The following MITD1 variants were observed in gnomAD, a reference collection of about 807,000 sequenced individuals.
The protein encoded by MITD1 is MIT domain-containing protein 1.
MITD1 carries 24 observed loss-of-function variants against 34.9 expected under a neutral mutation model. That is an observed-to-expected ratio of 0.69 (90% CI 0.50 to 0.97). MITD1 has a LOEUF of 0.97. Among genes scored for constraint, MITD1 ranks in the 50% least tolerant of loss-of-function variants. MITD1 has a pLI of 0.00. For missense variants in MITD1, 266 were observed against 294.6 expected (o/e 0.90, Z 0.71); for synonymous variants, 102 against 101.4 (o/e 1.01, Z -0.04).
At position 99,169,304 on chromosome 2, in the gene MITD1, TA is replaced by T; in HGVS notation, c.*70del. On this transcript the variant is annotated 3_prime_UTR_variant, in exon 7 of 7. Coordinates refer to ENST00000289359, the MANE Select transcript of MITD1 (RefSeq NM_138798.3). ...AGTTTATTGTTAAATTCATACATTATAAAAGTGATCTTTTAAAAAAAATCCA... is the reference window on the plus strand; with the variant it reads ...AGTTTATTGTTAAATTCATACATTATAAAGTGATCTTTTAAAAAAAATCCA... The T allele has an allele frequency of 1.4e-6, 1 of 732,806 alleles. No individual in the cohort carries two copies. The highest frequency in any genetic ancestry group is 1.8e-5 in the African/African-American group (1 of 55,860). 45.4% of individuals were successfully genotyped at this position (732,806 alleles called of 1,614,324 possible).
chr2:99,162,117 C>T, exon 8 of MITD1: 1 of 1,614,016 alleles, frequency 6.2e-7, no homozygotes, highest in Non-Finnish European at 8.5e-7. Flanking sequence ...GATCCATGAC[C>T]ATATGAATCT....
At chr2:99,162,138 C>T in exon 8 of MITD1, 1 of 1,613,972 alleles carries the variant, frequency 6.2e-7, no homozygotes, top group South Asian at 1.1e-5. Context: ...AGAAGGCAAA[C>T]CAATTCTATT....
chr2:99,173,033 G>A (rs2093867253), intron 2 of MITD1: 1 of 154,564 alleles, frequency 6.5e-6, no homozygotes, highest in Non-Finnish European at 1.4e-5. Context: ...CCGTATAGAG[G>A]TTAATTTAAT....
At chr2:99,171,786 C>T (rs1473899556) in intron 2 of MITD1, 140 bp from the exon 3 acceptor site, 3 of 753,698 alleles carry the variant, frequency 4.0e-6, no homozygotes, top group South Asian at 1.9e-5. Context: ...TGAATGCCTA[C>T]TAAATATCAT....
At position 99,181,045 on chromosome 2, in the gene MITD1, G is replaced by A. The variant is rs1029548766; in HGVS notation, c.-64C>T. The A allele has an allele frequency of 1.2e-5, 19 of 1,554,588 alleles. No homozygotes were observed. In the Admixed American group the frequency reaches 3.2e-4, roughly 26 times the overall value. On this transcript the variant is annotated 5_prime_UTR_variant, in exon 1 of 7. Coordinates refer to ENST00000289359, the MANE Select transcript of MITD1 (RefSeq NM_138798.3). ...GTTGAGCGGGTCTGCTGCGCTTCCGGGAAGTGGTCATGTGATACCCAGGCG... is the reference window on the plus strand; with the variant it reads ...GTTGAGCGGGTCTGCTGCGCTTCCGAGAAGTGGTCATGTGATACCCAGGCG...
downstream of MITD1, among the ~76,000 whole-genome samples, chr2:99,168,138 A>G (rs1255031240): frequency 1.3e-5 from 2 of 151,568 alleles, no homozygotes; most frequent in South Asian, 2.1e-4. Context: ...GGGTTTTTTT[A>G]TTTGTTTCTT....
chr2:99,161,910 G>A (rs993588725), downstream of MITD1: 1 of 1,440,574 alleles, frequency 6.9e-7, no homozygotes, highest in Non-Finnish European at 9.4e-7. Flanking sequence ...AGAATTTAAT[G>A]TTCCTTTTCT....
rs546032350 is a variant in MITD1, at chr2:99,170,011, A to C, written c.594-401T>G. Among the ~76,000 whole-genome samples, 8 of 152,308 alleles carry C rather than the reference A, an allele frequency of 5.3e-5. No homozygotes were observed. In the East Asian group the frequency reaches 1.3e-3, roughly 26 times the overall value. On this transcript the variant is annotated intron_variant, in intron 5 of 6. Transcript: ENST00000289359. ...GCAGCTGCATTTTCATCTGTTTTGCATATTTAGTTTGTGATTAAGTTTTTA... is the reference window on the plus strand; with the variant it reads ...GCAGCTGCATTTTCATCTGTTTTGCCTATTTAGTTTGTGATTAAGTTTTTA...
chr2:99,166,543 A>T (rs984968374), downstream of MITD1, among the ~76,000 whole-genome samples: 4 of 151,310 alleles, frequency 2.6e-5, no homozygotes, highest in Non-Finnish European at 5.9e-5. Context: ...TTCATGAAGA[A>T]TGAAAAAATA....
In MITD1 at chr2:99,171,515, G is replaced by T; in HGVS notation, c.385C>A (p.His129Asn). ...ATTTTAGTATGTTCACATACCTGAT[G>T]AGTATGTCTAATATAAGGATCTTCT... ...WIEDPYIRHT[H>N]QLYNFLRFCE... The change falls in exon 3 of 7, where the codon CAT becomes AAT. Residue 129 changes from histidine to asparagine, a missense_variant. By Grantham distance (68) the His-to-Asn change is moderately conservative. Transcript: ENST00000289359. 6.2e-7 allele frequency: 1 copy of T among 1,603,576 alleles called. No homozygotes were observed. Among genetic ancestry groups the T allele is most frequent in the Non-Finnish European group, 8.5e-7 (1 of 1,170,740 alleles).
At chr2:99,162,532 T>G in intron 7 of MITD1, 1 of 1,614,204 alleles carries the variant, frequency 6.2e-7, no homozygotes, top group South Asian at 1.1e-5. Flanking sequence ...TTGTCTTCTT[T>G]GCTAAAGAGC....
chr2:99,163,705 T>C (rs1443913854), intron 7 of MITD1, among the ~76,000 whole-genome samples: 1 of 152,184 alleles, frequency 6.6e-6, no homozygotes, highest in East Asian at 1.9e-4. Flanking sequence ...CTATATATAA[T>C]ATTGGACACT....
intron 1 of MITD1, chr2:99,178,480 C>G (rs2093899033): frequency 2.0e-5 from 3 of 152,202 alleles, no homozygotes. Flanking sequence ...ACAAAATTCT[C>G]TTCTATTGTT....
At chr2:99,171,147 A>G (rs2093855131) in intron 4 of MITD1, among the ~76,000 whole-genome samples, 196 bp downstream of exon 4, 1 of 152,228 alleles carries the variant, frequency 6.6e-6, no homozygotes, top group Non-Finnish European at 1.5e-5. Context: ...GCATTTAGCA[A>G]AGTGGCCAAA....
At chr2:99,170,229 TATC>T (rs1441302452) in intron 5 of MITD1, among the ~76,000 whole-genome samples, 3 of 152,176 alleles carry the variant, frequency 2.0e-5, no homozygotes, top group Admixed American at 6.5e-5. Context: ...ATTATCCTAA[TATC>T]ATAACACTAT....
At chr2:99,176,555 G>C (rs2093887844) in intron 1 of MITD1, among the ~76,000 whole-genome samples, 2 of 151,876 alleles carry the variant, frequency 1.3e-5, no homozygotes, top group Non-Finnish European at 2.9e-5. Flanking sequence ...TTGAACTCCT[G>C]ACCTCAAGCA....
At chr2:99,163,421 G>A (rs974701462) in intron 7 of MITD1, among the ~76,000 whole-genome samples, 1 of 152,070 alleles carries the variant, frequency 6.6e-6, no homozygotes, top group Non-Finnish European at 1.5e-5. Flanking sequence ...TTTACCTCCT[G>A]AGTTCAAGTG....
intron 1 of MITD1, among the ~76,000 whole-genome samples, chr2:99,179,740 T>G (rs2093905469): frequency 6.6e-6 from 1 of 152,072 alleles, no homozygotes; most frequent in Non-Finnish European, 1.5e-5. Context: ...TTTTTGTATT[T>G]TCAGTAGAGA....
intron 2 of MITD1, chr2:99,173,091 G>C (rs1020249092): frequency 6.3e-6 from 1 of 159,778 alleles, no homozygotes; most frequent in African/African-American, 2.4e-5. Context: ...TTTCATCAAT[G>C]TTTTGGAGTA....
Sources: gnomAD v4.1 joint callset for allele counts (sites outside exome capture counted in the v4.1 genomes callset) on GRCh38, gnomAD v4.1.1 for gene constraint, MANE v1.5 for transcripts, NCBI Gene and HGNC (gene_info 2026-07-23, HGNC 2026-07-21) for gene names.